Variants in TTLL1 observed in about 807,000 individuals in gnomAD.
TTLL1 encodes TTL family tubulin polyglutamylase complex subunit L1.
A neutral mutation model predicts 47.8 loss-of-function variants in TTLL1; 33 were observed. That is an observed-to-expected ratio of 0.69 (90% CI 0.52 to 0.92). TTLL1 has a LOEUF of 0.92. Among genes scored for constraint, TTLL1 ranks in the 40% least tolerant of loss-of-function variants. The pLI is 0.00. For synonymous variants in TTLL1, 225 were observed against 214.1 expected (o/e 1.05, Z -0.45); for missense variants, 488 against 547.5 (o/e 0.89, Z 1.08).
At chr22:43,069,309 T>G (rs1235913398) in intron 4 of TTLL1, among the ~76,000 whole-genome samples, 1 of 150,738 alleles carries the variant, frequency 6.6e-6, no homozygotes, top group East Asian at 1.9e-4. Context: ...GGAGAATTGC[T>G]TGAACTCAGG....
intron 10 of TTLL1, among the ~76,000 whole-genome samples, chr22:43,042,938 C>CT (rs59595664): frequency 0.061 from 7,925 of 129,728 alleles, 632 homozygotes; most frequent in African/African-American, 0.17. Flanking sequence ...GCTGCTTTTT[C>CT]TTTTTTTTTT....
intron 9 of TTLL1, among the ~76,000 whole-genome samples, chr22:43,050,513 GTTTT>G (rs71186562): frequency 1.4e-5 from 2 of 143,956 alleles, no homozygotes; most frequent in African/African-American, 2.5e-5. Flanking sequence ...GTTTTTTTTT[GTTTT>G]TTTTTTTGTT....
chr22:43,082,343 A>G (rs1928952079), intron 1 of TTLL1, among the ~76,000 whole-genome samples: 1 of 152,156 alleles, frequency 6.6e-6, no homozygotes, highest in Non-Finnish European at 1.5e-5. Context: ...CAAGACAGCT[A>G]CATTTCCAGG....
chr22:43,040,002 A>G, intron 10 of TTLL1, 97 bp from the exon 11 acceptor site: 3 of 1,515,534 alleles, frequency 2.0e-6, no homozygotes, highest in Non-Finnish European at 2.7e-6. Flanking sequence ...CATCACCCAG[A>G]GAAGCGGCCT....
At chr22:43,051,192 T>C (rs1007651252) in intron 9 of TTLL1, among the ~76,000 whole-genome samples, 2 of 152,166 alleles carry the variant, frequency 1.3e-5, no homozygotes, top group African/African-American at 4.8e-5. Context: ...AGAGCAACGG[T>C]TGGGCAAGGT....
chr22:43,074,429 A>T (rs948862487), intron 3 of TTLL1, among the ~76,000 whole-genome samples: 1 of 60,968 alleles, frequency 1.6e-5, no homozygotes, highest in Non-Finnish European at 2.7e-5. Flanking sequence ...TTTCGTCTCA[A>T]AAAAAAAAAA....
chr22:43,070,011 GT>G (rs1366084480), intron 3 of TTLL1, among the ~76,000 whole-genome samples, 167 bp from the exon 4 acceptor site: 1 of 152,162 alleles, frequency 6.6e-6, no homozygotes, highest in Non-Finnish European at 1.5e-5. Flanking sequence ...CAGAGAATGG[GT>G]GCCCAGGGAC....
intron 7 of TTLL1, among the ~76,000 whole-genome samples, chr22:43,062,765 T>G (rs941735247): frequency 6.6e-6 from 1 of 152,048 alleles, no homozygotes; most frequent in Admixed American, 6.6e-5. Flanking sequence ...GGAGACAGGT[T>G]GTGGTGAGCT....
rs546366985 is a variant in TTLL1 at position 43,048,046 on chromosome 22, G to A, written c.979-1473C>T. ...AGAATTGTTATTAGGGGCCGGGCGC[G>A]GTGGCTCATGCCCGTAATCCTAGTA... On this transcript the variant is annotated intron_variant, in intron 9 of 10. Coordinates refer to ENST00000266254, the MANE Select transcript of TTLL1 (RefSeq NM_012263.5). 5.9e-5 allele frequency among the ~76,000 whole-genome samples: 9 copies of A among 152,192 alleles called. 1 individual carries two copies. The highest frequency in any genetic ancestry group is 6.8e-3 in the Middle Eastern group (2 of 294).
intron 3 of TTLL1, 91 bp downstream of exon 3, chr22:43,075,383 G>A: frequency 9.5e-7 from 1 of 1,051,784 alleles, no homozygotes; most frequent in Non-Finnish European, 1.5e-6. Flanking sequence ...GGAGACAGTG[G>A]CTCTGAGGCC....
At chr22:43,050,975 G>A (rs1408614501) in intron 9 of TTLL1, among the ~76,000 whole-genome samples, 2 of 152,178 alleles carry the variant, frequency 1.3e-5, no homozygotes, top group African/African-American at 4.8e-5. Flanking sequence ...TTCCTGCAGG[G>A]GTTCCCATGA....
intron 3 of TTLL1, among the ~76,000 whole-genome samples, chr22:43,073,343 AT>A (rs1928255948): frequency 7.1e-6 from 1 of 141,694 alleles, no homozygotes; most frequent in Non-Finnish European, 1.5e-5. Flanking sequence ...TTATTTATTT[AT>A]TTATTTATTT....
intron 3 of TTLL1, chr22:43,070,344 A>C (rs1445948286): frequency 3.7e-6 from 2 of 533,482 alleles, no homozygotes; most frequent in Non-Finnish European, 6.7e-6. Flanking sequence ...ACAGAGTTGA[A>C]AGAGAAATAG....
intron 1 of TTLL1, among the ~76,000 whole-genome samples, chr22:43,085,463 T>C (rs1240212494): frequency 6.6e-6 from 1 of 152,214 alleles, no homozygotes; most frequent in Non-Finnish European, 1.5e-5. Context: ...AAGGTGGAGA[T>C]AAACGAATCA....
At chr22:43,040,734 C>T (rs1022856114) in intron 10 of TTLL1, among the ~76,000 whole-genome samples, 5 of 152,192 alleles carry the variant, frequency 3.3e-5, no homozygotes, top group East Asian at 1.9e-4. Flanking sequence ...CGTGGGCCAC[C>T]GTGCCTGGCC....
At chr22:43,069,322 G>C (rs534252515) in intron 4 of TTLL1, among the ~76,000 whole-genome samples, 9 of 151,060 alleles carry the variant, frequency 6.0e-5, no homozygotes, top group African/African-American at 2.2e-4. Context: ...AACTCAGGAG[G>C]CGGAGGTTGC....
intron 10 of TTLL1, among the ~76,000 whole-genome samples, chr22:43,043,318 G>A (rs1759945965): frequency 6.6e-6 from 1 of 152,014 alleles, no homozygotes; most frequent in Admixed American, 6.6e-5. Context: ...CGCGGCAGAG[G>A]CTCTACACGC....
At chr22:43,042,919 C>G (rs997010924) in intron 10 of TTLL1, among the ~76,000 whole-genome samples, 1 of 150,852 alleles carries the variant, frequency 6.6e-6, no homozygotes, top group African/African-American at 2.4e-5. Context: ...CAGTGAGGCT[C>G]TGGCCTCTGC....
chr22:43,079,198 G>A (rs1928714693), intron 2 of TTLL1, among the ~76,000 whole-genome samples: 1 of 77,276 alleles, frequency 1.3e-5, no homozygotes, highest in African/African-American at 3.7e-5. Context: ...GGGACCACGG[G>A]AGCCGCACCC....
Sources: gnomAD v4.1 joint callset for allele counts (sites outside exome capture counted in the v4.1 genomes callset) on GRCh38, gnomAD v4.1.1 for gene constraint, MANE v1.5 for transcripts, NCBI Gene and HGNC (gene_info 2026-07-23, HGNC 2026-07-21) for gene names.